Variants in AGBL3 observed in about 807,000 individuals in gnomAD.
AGBL3 encodes the protein cytosolic carboxypeptidase 3.
Under a neutral mutation model 94.5 loss-of-function variants are expected in AGBL3, and 68 were observed. That is an observed-to-expected ratio of 0.72 (90% CI 0.59 to 0.88). The LOEUF is 0.88. AGBL3 is among the 40% of genes least tolerant of loss of function. AGBL3 has a pLI of 0.00. For synonymous variants in AGBL3, 354 were observed against 370.7 expected, an observed-to-expected ratio of 0.95 and a Z score of 0.52; for missense variants, 934 against 1,103.8, an observed-to-expected ratio of 0.85 and a Z score of 2.18.
At chr7:135,058,432 G>A (rs1818524803) in intron 11 of AGBL3, among the ~76,000 whole-genome samples, 1 of 151,966 alleles carries the variant, frequency 6.6e-6, no homozygotes, top group African/African-American at 2.4e-5. Flanking sequence ...TTCATATGGT[G>A]CTGCATTGCT....
chr7:135,123,503 G>T (rs1178250553), intron 16 of AGBL3, among the ~76,000 whole-genome samples: 1 of 152,130 alleles, frequency 6.6e-6, no homozygotes, highest in African/African-American at 2.4e-5. Flanking sequence ...CTCCAACCTC[G>T]CAAGACAGGC....
intron 12 of AGBL3, among the ~76,000 whole-genome samples, chr7:135,069,686 G>T (rs189041448): frequency 9.2e-5 from 14 of 152,208 alleles, no homozygotes; most frequent in African/African-American, 2.9e-4. Flanking sequence ...CGAGAACAAA[G>T]ACAAAACATA....
intron 4 of AGBL3, among the ~76,000 whole-genome samples, chr7:135,004,496 G>A (rs189083910): frequency 1.3e-5 from 2 of 151,514 alleles, no homozygotes; most frequent in Admixed American, 6.6e-5. Flanking sequence ...TTATAATTTC[G>A]AGAGAAATCT....
chr7:134,987,591 TATTTA>T (rs1195566572), intron 1 of AGBL3, among the ~76,000 whole-genome samples: 3 of 152,216 alleles, frequency 2.0e-5, no homozygotes, highest in African/African-American at 7.2e-5. Context: ...TGCTGTGTAG[TATTTA>T]ATTGTAAATA....
At chr7:135,080,093 A>C in intron 13 of AGBL3, 110 bp from the exon 14 acceptor site, 1 of 857,532 alleles carries the variant, frequency 1.2e-6, no homozygotes, top group East Asian at 2.7e-5. Context: ...TGTAAGGATG[A>C]AATGAGAAAT....
chr7:135,001,801 C>T (rs763749259), intron 4 of AGBL3, among the ~76,000 whole-genome samples: 2 of 152,168 alleles, frequency 1.3e-5, no homozygotes, highest in Non-Finnish European at 2.9e-5. Flanking sequence ...GGATTTGCCT[C>T]AACACTTTAC....
chr7:134,990,719 C>G, intron 3 of AGBL3, among the ~76,000 whole-genome samples: 1 of 152,252 alleles, frequency 6.6e-6, no homozygotes, highest in Admixed American at 6.5e-5. Flanking sequence ...GTTATTTCTT[C>G]GCCAATAATT....
At chr7:135,032,365 C>T (rs1021656940) in intron 5 of AGBL3, among the ~76,000 whole-genome samples, 4 of 151,866 alleles carry the variant, frequency 2.6e-5, no homozygotes, top group Admixed American at 6.6e-5. Flanking sequence ...AGTGTAGTGA[C>T]GCGATCTCCG....
intron 13 of AGBL3, among the ~76,000 whole-genome samples, chr7:135,078,758 A>T (rs1820678796): frequency 6.6e-6 from 1 of 152,208 alleles, no homozygotes; most frequent in African/African-American, 2.4e-5. Flanking sequence ...AGAAAGTTGC[A>T]TACATTCTAA....
intron 12 of AGBL3, among the ~76,000 whole-genome samples, chr7:135,074,512 T>C (rs1820269056): frequency 6.6e-6 from 1 of 152,160 alleles, no homozygotes. Flanking sequence ...AACAATCACA[T>C]AGCACAAGAA....
intron 15 of AGBL3, chr7:135,101,189 T>C (rs911607082): frequency 4.4e-6 from 2 of 456,268 alleles, no homozygotes; most frequent in Non-Finnish European, 8.8e-6. Flanking sequence ...CTGATTTGTA[T>C]GGAAACTGTT....
intron 15 of AGBL3, 63 bp from the exon 16 acceptor site, chr7:135,115,317 G>T: frequency 9.2e-7 from 1 of 1,088,558 alleles, no homozygotes; most frequent in Non-Finnish European, 1.3e-6. Context: ...ATATAATAAT[G>T]CCCAATAAGT....
intron 16 of AGBL3, among the ~76,000 whole-genome samples, chr7:135,133,561 G>A (rs190323939): frequency 1.3e-5 from 2 of 152,270 alleles, no homozygotes; most frequent in Admixed American, 1.3e-4. Context: ...AGTAGTATTA[G>A]AGGAGAAATA....
intron 11 of AGBL3, among the ~76,000 whole-genome samples, chr7:135,058,760 CT>C (rs541119782): frequency 7.9e-5 from 12 of 152,150 alleles, no homozygotes; most frequent in East Asian, 1.9e-4. Flanking sequence ...TCCTCTTCTT[CT>C]TTTTTCCCCC....
chr7:135,063,951 T>C (rs1487520117), intron 12 of AGBL3, among the ~76,000 whole-genome samples: 1 of 152,128 alleles, frequency 6.6e-6, no homozygotes, highest in East Asian at 1.9e-4. Flanking sequence ...GTGGGTTGGG[T>C]TCAGGTTTAT....
intron 4 of AGBL3, chr7:135,010,658 G>A (rs1441927263): frequency 2.0e-5 from 3 of 151,978 alleles, no homozygotes; most frequent in South Asian, 2.1e-4. Flanking sequence ...GGGGTATTAT[G>A]TTTGCAAATA....
intron 4 of AGBL3, chr7:135,010,269 G>T: frequency 4.0e-6 from 1 of 250,914 alleles, no homozygotes; most frequent in Non-Finnish European, 7.7e-6. Context: ...CTCGTGATCC[G>T]CCTGCCTCAG....
intron 12 of AGBL3, among the ~76,000 whole-genome samples, chr7:135,060,665 C>G (rs1818751370): frequency 6.6e-6 from 1 of 152,056 alleles, no homozygotes; most frequent in Non-Finnish European, 1.5e-5. Context: ...CTTTCTGTGC[C>G]TGGCTTATCT....
intron 5 of AGBL3, among the ~76,000 whole-genome samples, chr7:135,026,433 C>G (rs1003543596): frequency 1.3e-5 from 2 of 151,068 alleles, no homozygotes; most frequent in Non-Finnish European, 2.9e-5. Context: ...CGCTACCACA[C>G]CTGCCCAATT....
Sources: gnomAD v4.1 joint callset for allele counts (sites outside exome capture counted in the v4.1 genomes callset) on GRCh38, gnomAD v4.1.1 for gene constraint, MANE v1.5 for transcripts, NCBI Gene and HGNC (gene_info 2026-07-23, HGNC 2026-07-21) for gene names.